The following DEPDC5 variants were observed in gnomAD, a reference collection of about 807,000 sequenced individuals.
DEPDC5 encodes DEP domain containing 5, GATOR1 subcomplex subunit, also known as GATOR1 complex protein DEPDC5.
Under a neutral mutation model 217.3 loss-of-function variants are expected in DEPDC5, and 73 were observed. The observed-to-expected ratio is 0.34, with a 90% confidence interval of 0.28 to 0.41. The LOEUF (loss-of-function observed/expected upper bound fraction) is 0.41. DEPDC5 is among the 10% of genes least tolerant of loss of function. DEPDC5 has a pLI of 1.00. For synonymous variants in DEPDC5, 733 were observed against 756.7 expected (o/e 0.97, Z 0.51); for missense variants, 1,675 against 2,070.1 (o/e 0.81, Z 3.70).
intron 40 of DEPDC5, 36 bp downstream of exon 40, chr22:31,897,689 A>G: frequency 6.2e-7 from 1 of 1,607,714 alleles, no homozygotes; most frequent in Non-Finnish European, 8.5e-7. Flanking sequence ...TGTCTCAACC[A>G]GTAAGACCCC....
At chr22:31,885,461 C>T (rs2093283173) in intron 38 of DEPDC5, among the ~76,000 whole-genome samples, 1 of 152,206 alleles carries the variant, frequency 6.6e-6, no homozygotes, top group Non-Finnish European at 1.5e-5. Flanking sequence ...CGCGGTGGCT[C>T]ACGCCTGTAA....
intron 10 of DEPDC5, among the ~76,000 whole-genome samples, chr22:31,785,877 G>A (rs1324952710): frequency 6.6e-6 from 1 of 152,028 alleles, no homozygotes; most frequent in Non-Finnish European, 1.5e-5. Flanking sequence ...AATTATTCTG[G>A]AACAACTGAA....
At chr22:31,830,175 G>A (rs2090478012) in intron 24 of DEPDC5, among the ~76,000 whole-genome samples, 1 of 152,234 alleles carries the variant, frequency 6.6e-6, no homozygotes, top group Non-Finnish European at 1.5e-5. Context: ...CAGGCTTCTA[G>A]ATATGGGCTT....
chr22:31,889,541 CTTTTT>C (rs136874), intron 38 of DEPDC5, among the ~76,000 whole-genome samples: 1 of 99,596 alleles, frequency 1.0e-5, no homozygotes, highest in Non-Finnish European at 2.0e-5. Flanking sequence ...GGCAAAACTT[CTTTTT>C]TTTTTTTTTT....
At chr22:31,855,665 A>T (rs1325358788) in intron 31 of DEPDC5, among the ~76,000 whole-genome samples, 2 of 152,190 alleles carry the variant, frequency 1.3e-5, no homozygotes, top group Non-Finnish European at 2.9e-5. Flanking sequence ...GGCGTGAGCC[A>T]CTGCGCCTGG....
chr22:31,810,071 C>T (rs2088084564), intron 19 of DEPDC5, among the ~76,000 whole-genome samples: 2 of 152,210 alleles, frequency 1.3e-5, no homozygotes, highest in African/African-American at 4.8e-5. Flanking sequence ...CCTGAGTTCC[C>T]TTTGTGTCAT....
At chr22:31,803,780 C>T (rs1257107825) in intron 15 of DEPDC5, among the ~76,000 whole-genome samples, 1 of 151,872 alleles carries the variant, frequency 6.6e-6, no homozygotes, top group African/African-American at 2.4e-5. Flanking sequence ...AATCCTGATG[C>T]CACTAAAGAA....
At chr22:31,889,564 T>C (rs1004786792) in intron 38 of DEPDC5, among the ~76,000 whole-genome samples, 4 of 144,428 alleles carry the variant, frequency 2.8e-5, no homozygotes, top group Non-Finnish European at 4.6e-5. Context: ...TTTTTTTTTT[T>C]TTCCAGACAG....
At chr22:31,885,355 T>C (rs2093279936) in intron 38 of DEPDC5, among the ~76,000 whole-genome samples, 1 of 152,218 alleles carries the variant, frequency 6.6e-6, no homozygotes, top group Non-Finnish European at 1.5e-5. Context: ...TCCAGTGCTT[T>C]CCTTCCGCCT....
intron 28 of DEPDC5, 106 bp downstream of exon 28, chr22:31,843,318 GT>G (rs1321829585): frequency 1.8e-5 from 22 of 1,241,770 alleles, no homozygotes; most frequent in Non-Finnish European, 2.3e-5. Flanking sequence ...TCAGTGGTTG[GT>G]TTTTCTTTTG....
At position 31,903,702 on chromosome 22, in the gene DEPDC5, C is replaced by A. The variant is rs1162990835; in HGVS notation, c.4436+1900C>A. ...CCTCCACCTTCCACACCTAAGCCCCCCCACCTTCCACACCTAACCTCTCCC... is the reference window on the plus strand; with the variant it reads ...CCTCCACCTTCCACACCTAAGCCCCACCACCTTCCACACCTAACCTCTCCC... On this transcript the variant is annotated intron_variant, in intron 41 of 42. Transcript: ENST00000651528. 6.5e-5 allele frequency among the ~76,000 whole-genome samples: 5 copies of A among 76,516 alleles called. No homozygotes were observed. In the South Asian group the frequency reaches 2.2e-3, roughly 34 times the overall value. 50.2% of individuals were successfully genotyped at this position (76,516 alleles called of 152,430 possible). A position where few individuals can be genotyped will look rare whatever the true frequency, so the allele number is the denominator to read the frequency against.
intron 38 of DEPDC5, among the ~76,000 whole-genome samples, chr22:31,889,353 CCTGT>C (rs1318312434): frequency 5.9e-5 from 9 of 152,186 alleles, no homozygotes; most frequent in African/African-American, 2.2e-4. Flanking sequence ...GTATCTTCAG[CCTGT>C]AACCACTTGG....
intron 32 of DEPDC5, 183 bp downstream of exon 32, chr22:31,857,736 G>A: frequency 4.0e-6 from 2 of 502,074 alleles, no homozygotes; most frequent in Admixed American, 3.9e-5. Flanking sequence ...CTTATTCACA[G>A]TTGTAAGGAA....
chr22:31,856,789 G>A lies in DEPDC5; in HGVS notation c.3156-656G>A, dbSNP rs563919781. ...AATGCAGTTTTTTGTTTGTTTGTTT[G>A]TTTGTTTGTTTGTTTTGTCGCACAG... On this transcript the variant is annotated intron_variant, in intron 31 of 42. Transcript: ENST00000651528. 5.9e-5 allele frequency among the ~76,000 whole-genome samples: 9 copies of A among 152,240 alleles called. No homozygotes were observed. In the South Asian group the frequency reaches 1.9e-3, roughly 32 times the overall value.
chr22:31,838,862 G>C lies in DEPDC5; in HGVS notation c.2515+17G>C, dbSNP rs1178723883. Reference sequence around the variant, plus strand: ...ATAGCCGAGGTGAGTTTTTCTCCTTGGATTTCTATTTTTTTCTCTTCTACT... The same window carrying C: ...ATAGCCGAGGTGAGTTTTTCTCCTTCGATTTCTATTTTTTTCTCTTCTACT... On this transcript the variant is annotated intron_variant, in intron 27 of 42. Transcript: ENST00000651528. The C allele has an allele frequency of 6.2e-7, 1 of 1,604,804 alleles. No homozygotes were observed. The highest frequency in any genetic ancestry group is 1.7e-5 in the Admixed American group (1 of 59,062).
rs543947695 is a variant in DEPDC5 at position 31,857,288 on chromosome 22, T to C, written c.3156-157T>C. The stretch of plus-strand genomic sequence containing the variant: ...ACTGGTGATTGTTCAGCACAATGAA[T>C]GAAATTAAGGGTATCATGAAGGTCT... On this transcript the variant is annotated intron_variant, in intron 31 of 42. Transcript: ENST00000651528. 1.2e-4 allele frequency among the ~76,000 whole-genome samples: 18 copies of C among 152,216 alleles called. No individual in the cohort carries two copies. The South Asian group carries it at 3.5e-3, about 30-fold the overall frequency.
chr22:31,884,071 C>T (rs1309785417), intron 38 of DEPDC5, among the ~76,000 whole-genome samples: 1 of 152,186 alleles, frequency 6.6e-6, no homozygotes, highest in African/African-American at 2.4e-5. Context: ...GCTGCCAAAC[C>T]TCATTACACA....
At chr22:31,768,926 C>T (rs971154473) in intron 7 of DEPDC5, 63 bp downstream of exon 7, 26 of 1,563,918 alleles carry the variant, frequency 1.7e-5, no homozygotes, top group Middle Eastern at 1.7e-4. Context: ...GCAGTGGAGG[C>T]GTATGGATGT....
intron 27 of DEPDC5, among the ~76,000 whole-genome samples, chr22:31,839,280 C>A (rs2148973097): frequency 6.6e-6 from 1 of 152,284 alleles, no homozygotes; most frequent in Non-Finnish European, 1.5e-5. Context: ...TCTTCTTTAT[C>A]ACTGAAGCTT....
Sources: allele counts gnomAD v4.1 joint callset (sites outside exome capture counted in the v4.1 genomes callset), GRCh38; gene constraint gnomAD v4.1.1; transcripts MANE v1.5; gene names NCBI Gene and HGNC (gene_info 2026-07-23, HGNC 2026-07-21).